TIAM1: variants seen among roughly 807,000 people sequenced by gnomAD.
TIAM1 encodes rho guanine nucleotide exchange factor TIAM1.
A neutral mutation model predicts 163.5 loss-of-function variants in TIAM1; 65 were observed. The ratio of observed to expected loss-of-function variants is 0.40; its 90% CI spans 0.33 to 0.49. TIAM1 has a LOEUF of 0.49. Ranked by LOEUF, TIAM1 falls within the 20% of genes least tolerant of loss-of-function variation. The probability of loss-of-function intolerance (pLI) is 0.77; values close to 1 mark genes in which losing one functional copy is unlikely to be tolerated. For missense variants in TIAM1, 1,789 were observed against 2,044.7 expected, an observed-to-expected ratio of 0.87 and a Z score of 2.41; for synonymous variants, 833 against 810.1, an observed-to-expected ratio of 1.03 and a Z score of -0.48.
Position 31,202,472 on chromosome 21 carries a change from A to G in TIAM1, c.2493+436T>C, listed in dbSNP as rs921604810. ...TTCCAGTTACTCAGGAGGCTGGCAC[A>G]GGAGGACCACTTAAGCCCAGTAGTT... On this transcript the variant is annotated intron_variant, in intron 12 of 27. Transcript: ENST00000541036. 1.8e-4 allele frequency among the ~76,000 whole-genome samples: 28 copies of G among 152,094 alleles called. 1 individual carries two copies. The highest frequency in any genetic ancestry group is 1.4e-3 in the Admixed American group (21 of 15,270).
At chr21:31,481,013 C>T (rs1359729695) in intron 1 of TIAM1, among the ~76,000 whole-genome samples, 1 of 152,150 alleles carries the variant, frequency 6.6e-6, no homozygotes, top group Non-Finnish European at 1.5e-5. Context: ...CTTCAGGCTC[C>T]CAAAGTGCTG....
intron 1 of TIAM1, among the ~76,000 whole-genome samples, chr21:31,550,327 C>T (rs1487103117): frequency 1.3e-5 from 2 of 151,968 alleles, no homozygotes; most frequent in African/African-American, 2.4e-5. Flanking sequence ...TACTGATACA[C>T]GTCACACTAC....
At chr21:31,271,184 G>C (rs932863534) in intron 3 of TIAM1, among the ~76,000 whole-genome samples, 2 of 150,082 alleles carry the variant, frequency 1.3e-5, no homozygotes, top group African/African-American at 4.9e-5. Context: ...TCATTGCCTA[G>C]AACCCAGCCT....
rs759888080 is a variant in TIAM1 at position 31,154,423 on chromosome 21, T to A, written c.2995A>T (p.Thr999Ser). 6.2e-7 allele frequency: 1 copy of A among 1,613,462 alleles called. No homozygotes were observed. The highest frequency in any genetic ancestry group is 1.3e-5 in the African/African-American group (1 of 74,996). Residue 999 changes from threonine (T) to serine (S), a missense_variant, in exon 17 of 28, where the codon ACA (threonine) becomes TCA (serine). Thr to Ser is a moderately conservative substitution (Grantham distance 58, BLOSUM62 1). Coordinates refer to ENST00000541036, the MANE Select transcript of TIAM1 (RefSeq NM_001353694.2). Reference protein sequence around the residue: ...SDETDHSSKSTEQVAAFCRSL... With the variant: ...SDETDHSSKSSEQVAAFCRSL... ...CGGCAAAATGCGGCCACCTGTTCTG[T>A]ACTCTTCGGAGCACAGGGGGGAAGG...
At chr21:31,173,422 T>A (rs2084610587) in intron 15 of TIAM1, among the ~76,000 whole-genome samples, 1 of 151,928 alleles carries the variant, frequency 6.6e-6, no homozygotes, top group East Asian at 1.9e-4. Context: ...CATTTTACTG[T>A]TATAAGATTT....
chr21:31,533,274 T>C (rs922501625), intron 1 of TIAM1, among the ~76,000 whole-genome samples: 1 of 152,134 alleles, frequency 6.6e-6, no homozygotes, highest in Admixed American at 6.5e-5. Context: ...TGAGCTGAGA[T>C]AGTACCACTG....
intron 2 of TIAM1, among the ~76,000 whole-genome samples, chr21:31,361,462 C>T (rs1403201043): frequency 6.6e-6 from 1 of 152,062 alleles, no homozygotes; most frequent in Non-Finnish European, 1.5e-5. Context: ...GCCAATGTTG[C>T]ATTTCTCGAG....
chr21:31,471,870 A>AAATAATAATAATAAT (rs551501073), intron 1 of TIAM1, among the ~76,000 whole-genome samples: 1,205 of 118,902 alleles, frequency 0.01, 17 homozygotes, highest in African/African-American at 0.038. Flanking sequence ...ACTCCATCTC[A>AAATAATAATAATAAT]AATAATAATA....
At chr21:31,497,391 A>T (rs927450085) in intron 1 of TIAM1, among the ~76,000 whole-genome samples, 2 of 152,236 alleles carry the variant, frequency 1.3e-5, no homozygotes, top group African/African-American at 4.8e-5. Context: ...TATGATCTTT[A>T]AAAATATGCA....
At chr21:31,524,969 C>G (rs2047728832) in intron 1 of TIAM1, among the ~76,000 whole-genome samples, 1 of 151,980 alleles carries the variant, frequency 6.6e-6, no homozygotes. Context: ...AAAATGGCAG[C>G]AACATCTGCT....
At chr21:31,448,930 C>T (rs2044726693) in intron 2 of TIAM1, among the ~76,000 whole-genome samples, 1 of 152,118 alleles carries the variant, frequency 6.6e-6, no homozygotes, top group South Asian at 2.1e-4. Context: ...CCATTTGCAA[C>T]AGCAAATATA....
chr21:31,219,402 C>T (rs908698714), intron 8 of TIAM1, among the ~76,000 whole-genome samples: 1 of 152,168 alleles, frequency 6.6e-6, no homozygotes, highest in Non-Finnish European at 1.5e-5. Context: ...GTCTTGGAAC[C>T]TACTTGTAGA....
intron 2 of TIAM1, among the ~76,000 whole-genome samples, chr21:31,330,939 A>G (rs918628369): frequency 6.6e-6 from 1 of 152,164 alleles, no homozygotes; most frequent in Non-Finnish European, 1.5e-5. Context: ...ATGGATTTAT[A>G]AACTCGGAAA....
chr21:31,426,087 T>C (rs2043786156), intron 2 of TIAM1, among the ~76,000 whole-genome samples: 1 of 152,022 alleles, frequency 6.6e-6, no homozygotes, highest in Non-Finnish European at 1.5e-5. Flanking sequence ...ATAAGTCCTT[T>C]AGTGGTGATT....
At chr21:31,153,255 T>A in intron 17 of TIAM1, 121 bp from the exon 18 acceptor site, 1 of 776,978 alleles carries the variant, frequency 1.3e-6, no homozygotes, top group South Asian at 3.1e-5. Context: ...AAACAGATCC[T>A]GTCCCGAAGG....
rs377760602 is a variant in TIAM1, at chr21:31,277,304, T to A, written c.-188-396A>T. On this transcript the variant is annotated intron_variant, in intron 2 of 27. Coordinates refer to ENST00000541036, the MANE Select transcript of TIAM1 (RefSeq NM_001353694.2). ...TACACTCCCACCAGCACCATGATAG[T>A]TTACAATGCCATGGCAATGTCAGGA... 3.3e-5 allele frequency among the ~76,000 whole-genome samples: 5 copies of A among 152,304 alleles called. No individual in the cohort carries two copies. In the East Asian group the frequency reaches 5.8e-4, roughly 18 times the overall value.
intron 2 of TIAM1, among the ~76,000 whole-genome samples, chr21:31,450,699 G>T (rs2044799719): frequency 6.6e-6 from 1 of 152,168 alleles, no homozygotes; most frequent in African/African-American, 2.4e-5. Flanking sequence ...CATGGCTGGG[G>T]AGGCCTCACA....
chr21:31,213,866 C>CAAAAAAAAAAAAAAAAAAAAA (rs35524539), intron 9 of TIAM1, among the ~76,000 whole-genome samples: 14 of 54,844 alleles, frequency 2.6e-4, no homozygotes, highest in African/African-American at 8.1e-4. Context: ...CTCATCTCTA[C>CAAAAAAAAAAAAAAAAAAAAA]AAAAAAAAAA....
At chr21:31,447,706 G>A (rs1360226777) in intron 2 of TIAM1, among the ~76,000 whole-genome samples, 1 of 152,200 alleles carries the variant, frequency 6.6e-6, no homozygotes, top group Non-Finnish European at 1.5e-5. Context: ...CCTGAGAAAT[G>A]AGGAGGTGGA....
Sources: allele counts gnomAD v4.1 joint callset (sites outside exome capture counted in the v4.1 genomes callset), GRCh38; gene constraint gnomAD v4.1.1; transcripts MANE v1.5; gene names NCBI Gene and HGNC (gene_info 2026-07-23, HGNC 2026-07-21).